VOPP1: variants seen among roughly 807,000 people sequenced by gnomAD.
The protein encoded by VOPP1 is VOPP1 WW domain binding protein.
In VOPP1, 8 loss-of-function variants were observed where a neutral mutation model predicts 23.5. The ratio of observed to expected loss-of-function variants is 0.34; its 90% CI spans 0.20 to 0.61. The LOEUF is 0.61. Among genes scored for constraint, VOPP1 ranks in the 20% least tolerant of loss-of-function variants. The probability of loss-of-function intolerance (pLI) is 0.78; values close to 1 mark genes in which losing one functional copy is unlikely to be tolerated. For missense variants in VOPP1, 174 were observed against 238.1 expected (o/e 0.73, Z 1.77); for synonymous variants, 83 against 97.3 (o/e 0.85, Z 0.86).
downstream of VOPP1, among the ~76,000 whole-genome samples, chr7:55,435,365 G>A (rs906455060): frequency 6.6e-6 from 1 of 152,216 alleles, no homozygotes; most frequent in African/African-American, 2.4e-5. Flanking sequence ...GGTGCTGTGG[G>A]AGGCGGACAT....
At chr7:55,438,657 G>A (rs1412956724) in intron 4 of VOPP1, among the ~76,000 whole-genome samples, 1 of 152,212 alleles carries the variant, frequency 6.6e-6, no homozygotes, top group Non-Finnish European at 1.5e-5. Flanking sequence ...CCTTGGAGAA[G>A]GCACAGAGGC....
At chr7:55,464,779 C>T (rs1190365117) in intron 4 of VOPP1, among the ~76,000 whole-genome samples, 1 of 152,140 alleles carries the variant, frequency 6.6e-6, no homozygotes, top group East Asian at 1.9e-4. Flanking sequence ...TGGAGGCTGG[C>T]CTCTCAAAAT....
intron 4 of VOPP1, among the ~76,000 whole-genome samples, chr7:55,453,469 C>T (rs1336245800): frequency 3.9e-5 from 6 of 152,180 alleles, no homozygotes; most frequent in Non-Finnish European, 8.8e-5. Flanking sequence ...CACTTGAACA[C>T]TTATAGGCCA....
intron 1 of VOPP1, chr7:55,537,757 C>T (rs74860935): frequency 0.014 from 18,650 of 1,371,234 alleles, 152 homozygotes; most frequent in Middle Eastern, 0.022. Context: ...AAAGCAGGTC[C>T]GGCCCCCAGG....
chr7:55,538,649 G>A (rs139766541), intron 1 of VOPP1: 150 of 1,535,768 alleles, frequency 9.8e-5, no homozygotes, highest in Admixed American at 2.2e-4. Context: ...CAAGAGTTTC[G>A]CTGAGCATTG....
chr7:55,478,757 C>T (rs1406582481), intron 4 of VOPP1, among the ~76,000 whole-genome samples: 1 of 152,234 alleles, frequency 6.6e-6, no homozygotes, highest in Non-Finnish European at 1.5e-5. Context: ...TCATGTATCT[C>T]ACATACAGCC....
chr7:55,517,547 C>G (rs1795544835), intron 2 of VOPP1, among the ~76,000 whole-genome samples: 2 of 152,172 alleles, frequency 1.3e-5, no homozygotes, highest in African/African-American at 4.8e-5. Flanking sequence ...CCGCCTGAGG[C>G]CCCCAGCAGC....
chr7:55,569,612 T>A (rs1436944386), intron 1 of VOPP1, among the ~76,000 whole-genome samples: 2 of 152,120 alleles, frequency 1.3e-5, no homozygotes, highest in African/African-American at 4.8e-5. Context: ...TAAAAGTAAT[T>A]GCTAGCAGGA....
intron 1 of VOPP1, among the ~76,000 whole-genome samples, chr7:55,563,586 G>C (rs1350255358): frequency 6.6e-6 from 1 of 152,138 alleles, no homozygotes; most frequent in Non-Finnish European, 1.5e-5. Flanking sequence ...GAAGTATCTT[G>C]GGGATGGGAC....
chr7:55,479,830 T>C (rs1317764252), intron 4 of VOPP1, among the ~76,000 whole-genome samples: 1 of 152,236 alleles, frequency 6.6e-6, no homozygotes, highest in East Asian at 1.9e-4. Context: ...CCCAGGAATT[T>C]ACATGAGGTC....
intron 4 of VOPP1, among the ~76,000 whole-genome samples, chr7:55,451,824 C>G (rs1791251915): frequency 6.6e-6 from 1 of 152,138 alleles, no homozygotes. Context: ...GCTAAAAATG[C>G]TAACGGTTAT....
chr7:55,495,024 C>A (rs554622641), intron 3 of VOPP1, among the ~76,000 whole-genome samples: 1 of 151,966 alleles, frequency 6.6e-6, no homozygotes, highest in African/African-American at 2.4e-5. Flanking sequence ...TACTTTAATT[C>A]AATTTGTTTT....
At chr7:55,551,361 G>A (rs139287424) in intron 1 of VOPP1, among the ~76,000 whole-genome samples, 11 of 152,306 alleles carry the variant, frequency 7.2e-5, no homozygotes, top group Admixed American at 1.3e-4. Flanking sequence ...CGTGCACACC[G>A]TACACCTGTG....
At chr7:55,569,275 C>G (rs116679759) in intron 1 of VOPP1, among the ~76,000 whole-genome samples, 1 of 152,304 alleles carries the variant, frequency 6.6e-6, no homozygotes, top group East Asian at 1.9e-4. Context: ...TCAGGAGAGT[C>G]CTGGTGATGC....
At chr7:55,495,090 T>G (rs1366925876) in intron 3 of VOPP1, among the ~76,000 whole-genome samples, 7 of 151,896 alleles carry the variant, frequency 4.6e-5, no homozygotes, top group African/African-American at 1.7e-4. Context: ...AATTCTGCAG[T>G]CCCAAGGACT....
At chr7:55,543,950 T>G (rs2129051700) in intron 1 of VOPP1, among the ~76,000 whole-genome samples, 1 of 152,368 alleles carries the variant, frequency 6.6e-6, no homozygotes, top group East Asian at 1.9e-4. Context: ...TTTGGTTGCC[T>G]GTGCTTTTGA....
intron 4 of VOPP1, among the ~76,000 whole-genome samples, chr7:55,449,748 G>A (rs1479262346): frequency 6.6e-6 from 1 of 152,012 alleles, no homozygotes; most frequent in Non-Finnish European, 1.5e-5. Flanking sequence ...CTGGCCTCCC[G>A]AGGGGACAGG....
chr7:55,491,706 G>A (rs1793581359), intron 4 of VOPP1, among the ~76,000 whole-genome samples: 1 of 152,186 alleles, frequency 6.6e-6, no homozygotes, highest in Non-Finnish European at 1.5e-5. Context: ...TTTTGACCCT[G>A]GGATGTCACT....
intron 4 of VOPP1, among the ~76,000 whole-genome samples, chr7:55,436,671 C>T (rs565874074): frequency 1.6e-4 from 24 of 149,284 alleles, no homozygotes; most frequent in African/African-American, 5.4e-4. Flanking sequence ...TGTGTGCGTG[C>T]GTGTGCGTGT....
Sources: gnomAD v4.1 joint callset for allele counts (sites outside exome capture counted in the v4.1 genomes callset) on GRCh38, gnomAD v4.1.1 for gene constraint, MANE v1.5 for transcripts, NCBI Gene and HGNC (gene_info 2026-07-23, HGNC 2026-07-21) for gene names.